The following ANK2 variants were observed in gnomAD, a reference collection of about 807,000 sequenced individuals.
ANK2 encodes the protein ankyrin-2.
ANK2 carries 83 observed loss-of-function variants against 360.5 expected under a neutral mutation model. The observed-to-expected ratio is 0.23, with a 90% CI of 0.19 to 0.28. The LOEUF (loss-of-function observed/expected upper bound fraction) is 0.28, where lower values mean the gene tolerates loss of function less well. Ranked by LOEUF, ANK2 falls within the 10% of genes least tolerant of loss-of-function variation. The pLI is 1.00. For synonymous variants in ANK2, 1,740 were observed against 1,759.5 expected (o/e 0.99, Z 0.28); for missense variants, 4,201 against 4,795.7 (o/e 0.88, Z 3.66).
chr4:113,218,160 T>G (rs146435098), intron 4 of ANK2, among the ~76,000 whole-genome samples: 72 of 152,312 alleles, frequency 4.7e-4, no homozygotes, highest in African/African-American at 1.7e-3. Context: ...GTTCTAATGC[T>G]CTAACCTTTA....
intron 2 of ANK2, among the ~76,000 whole-genome samples, chr4:112,907,332 T>C (rs1240271353): frequency 6.6e-6 from 1 of 152,236 alleles, no homozygotes; most frequent in African/African-American, 2.4e-5. Context: ...GGCATAGAGC[T>C]CTTTGTAAGA....
chr4:112,799,083 A>G, the ANK2 span, among the ~76,000 whole-genome samples: 1 of 152,182 alleles, frequency 6.6e-6, no homozygotes, highest in Non-Finnish European at 1.5e-5. Flanking sequence ...TCCTTTTGTG[A>G]CTGGCTTATT....
the ANK2 span, among the ~76,000 whole-genome samples, chr4:112,753,013 C>T: frequency 1.3e-5 from 2 of 152,162 alleles, no homozygotes; most frequent in Non-Finnish European, 2.9e-5. Flanking sequence ...TCTATGACCA[C>T]TGCCCTTCAT....
At chr4:112,882,618 C>T (rs2150460512) in intron 1 of ANK2, among the ~76,000 whole-genome samples, 1 of 152,032 alleles carries the variant, frequency 6.6e-6, no homozygotes, top group South Asian at 2.1e-4. Flanking sequence ...TTAATTGAAA[C>T]TTTGGGAAAA....
chr4:112,974,399 G>A (rs1240924786), intron 2 of ANK2, among the ~76,000 whole-genome samples: 1 of 152,168 alleles, frequency 6.6e-6, no homozygotes, highest in Non-Finnish European at 1.5e-5. Context: ...AACCCAAAAG[G>A]CCTACTTTCT....
chr4:113,004,675 T>C (rs965165603), intron 2 of ANK2, among the ~76,000 whole-genome samples: 1 of 152,240 alleles, frequency 6.6e-6, no homozygotes, highest in African/African-American at 2.4e-5. Flanking sequence ...AGTAAATACA[T>C]AAACCAGTTA....
chr4:113,282,531 C>T (rs182020631), intron 17 of ANK2, 144 bp from the exon 18 acceptor site: 5 of 797,824 alleles, frequency 6.3e-6, no homozygotes, highest in East Asian at 2.7e-5. Flanking sequence ...TGAATGGAAA[C>T]GTGATGAGTA....
At chr4:112,838,834 A>T (rs2061528875) in intron 1 of ANK2, among the ~76,000 whole-genome samples, 1 of 152,122 alleles carries the variant, frequency 6.6e-6, no homozygotes, top group African/African-American at 2.4e-5. Flanking sequence ...GTGCCACTGC[A>T]CTCCAGCCTG....
intron 2 of ANK2, among the ~76,000 whole-genome samples, chr4:112,918,629 A>C (rs1354863707): frequency 6.6e-6 from 1 of 152,214 alleles, no homozygotes; most frequent in Non-Finnish European, 1.5e-5. Context: ...AACAAATAAA[A>C]CTAAAAAGCA....
In ANK2 at chr4:113,356,442, A is replaced by T. The variant is rs373065849; in HGVS notation, c.7824A>T (p.Lys2608Asn). 6.8e-6 allele frequency: 11 copies of T among 1,614,156 alleles called. No homozygotes were observed. The highest frequency in any genetic ancestry group is 9.3e-6 in the Non-Finnish European group (11 of 1,179,992). Residue 2608 changes from lysine (K) to asparagine (N), a missense_variant, in exon 38 of 46, where the codon AAA becomes AAT. By Grantham distance (94) the Lys-to-Asn change is moderately conservative. This residue lies in a region of ANK2 where 2,642 missense variants were observed against 2,714.5 expected (regional missense o/e 0.97). Transcript: ENST00000357077. ...FDELEQEAKQ[K>N]RDYKKEPKQE... is the part of the protein sequence containing the mutation. Reference sequence around the variant, plus strand: ...AACTTGAACAAGAAGCAAAGCAGAAAAGGGACTACAAAAAAGAACCCAAAC... The same window carrying T: ...AACTTGAACAAGAAGCAAAGCAGAATAGGGACTACAAAAAAGAACCCAAAC...
the ANK2 span, among the ~76,000 whole-genome samples, chr4:112,732,816 T>C: frequency 6.6e-6 from 1 of 152,242 alleles, no homozygotes; most frequent in African/African-American, 2.4e-5. Context: ...GCGTGGTGGC[T>C]CACGCCTATA....
chr4:112,842,540 C>T (rs1247091050), intron 1 of ANK2, among the ~76,000 whole-genome samples: 1 of 152,196 alleles, frequency 6.6e-6, no homozygotes, highest in Non-Finnish European at 1.5e-5. Flanking sequence ...AATTGTTCCA[C>T]CACAGATCAT....
At chr4:113,012,895 C>A (rs762808855) in intron 2 of ANK2, among the ~76,000 whole-genome samples, 5 of 152,124 alleles carry the variant, frequency 3.3e-5, no homozygotes, top group Non-Finnish European at 5.9e-5. Flanking sequence ...TCCATAGATG[C>A]CTATCACTGA....
At chr4:112,939,055 T>A (rs1050808966) in intron 2 of ANK2, among the ~76,000 whole-genome samples, 3 of 152,224 alleles carry the variant, frequency 2.0e-5, no homozygotes, top group African/African-American at 7.2e-5. Context: ...CAGAGTTGGT[T>A]TTCTTTTTTG....
Position 113,353,362 on chromosome 4 carries a change from C to G in ANK2, c.4744C>G (p.Arg1582Gly), listed in dbSNP as rs35249198. The change falls in exon 38 of 46, where the codon CGG (arginine) becomes GGG (glycine). Residue 1582 changes from arginine to glycine, a missense_variant. Physicochemically the swap from Arg to Gly is moderately radical, Grantham distance 125 (BLOSUM62 -2). This residue lies in a region of ANK2 where 1,268 missense variants were observed against 1,650.8 expected (regional missense o/e 0.77). Transcript: ENST00000357077. ...AGATGAAAGCAGTGTGCAGAGCTCTCGGTCTGAGAGAGGATTAGTTGAAGA... is the reference window on the plus strand; with the variant it reads ...AGATGAAAGCAGTGTGCAGAGCTCTGGGTCTGAGAGAGGATTAGTTGAAGA... ...TRDESSVQSS[R>G]SERGLVEEEW... The G allele has an allele frequency of 1.2e-6, 2 of 1,613,906 alleles. No homozygotes were observed. The highest frequency in any genetic ancestry group is 8.5e-7 in the Non-Finnish European group (1 of 1,179,948).
chr4:112,731,486 G>A, the ANK2 span, among the ~76,000 whole-genome samples: 1 of 152,100 alleles, frequency 6.6e-6, no homozygotes, highest in African/African-American at 2.4e-5. Flanking sequence ...CACTTTGGGA[G>A]GCTGAGGTGG....
intron 2 of ANK2, among the ~76,000 whole-genome samples, chr4:113,013,371 T>A (rs1021862094): frequency 6.6e-6 from 1 of 152,220 alleles, no homozygotes; most frequent in African/African-American, 2.4e-5. Flanking sequence ...TCATTTCATA[T>A]TTCTGTCACA....
intron 1 of ANK2, among the ~76,000 whole-genome samples, chr4:113,141,675 G>C (rs1298937973): frequency 1.3e-5 from 2 of 152,144 alleles, no homozygotes; most frequent in Non-Finnish European, 2.9e-5. Flanking sequence ...TTAAATTATA[G>C]AACTGAGACA....
chr4:112,830,891 T>A (rs1356898362), intron 1 of ANK2, among the ~76,000 whole-genome samples: 2 of 152,156 alleles, frequency 1.3e-5, no homozygotes, highest in African/African-American at 2.4e-5. Flanking sequence ...TGGTGGGCCC[T>A]GCACTCAGAA....
Sources: gnomAD v4.1 joint callset for allele counts (sites outside exome capture counted in the v4.1 genomes callset) on GRCh38, gnomAD v4.1.1 for gene constraint, gnomAD v4.1.1 regional missense constraint, MANE v1.5 for transcripts, NCBI Gene and HGNC (gene_info 2026-07-23, HGNC 2026-07-21) for gene names.